The following CACNA1A variants were observed in gnomAD, a reference collection of about 807,000 sequenced individuals.
The protein encoded by CACNA1A is voltage-dependent P/Q-type calcium channel subunit alpha-1A.
In CACNA1A, 57 loss-of-function variants were observed where a neutral mutation model predicts 262.4. That is an observed-to-expected ratio of 0.22 (90% confidence interval 0.18 to 0.27). The LOEUF (loss-of-function observed/expected upper bound fraction) is 0.27, where lower values mean the gene tolerates loss of function less well. Among genes scored for constraint, CACNA1A ranks in the 10% least tolerant of loss-of-function variants. CACNA1A has a pLI of 1.00. For missense variants in CACNA1A, 2,526 were observed against 3,562.8 expected (o/e 0.71, Z 7.41); for synonymous variants, 1,431 against 1,419.3 (o/e 1.01, Z -0.18).
At chr19:13,437,922 A>G (rs12610465) in intron 3 of CACNA1A, among the ~76,000 whole-genome samples, 33,705 of 151,868 alleles carry the variant, frequency 0.22, 4,173 homozygotes, top group East Asian at 0.37. Context: ...GTGTCTGTGC[A>G]TGTCAGCATG....
At chr19:13,376,005 TCCACAGCAAGC>T (rs2059399607) in intron 3 of CACNA1A, among the ~76,000 whole-genome samples, 2 of 152,120 alleles carry the variant, frequency 1.3e-5, no homozygotes, top group Non-Finnish European at 2.9e-5. Context: ...CAAAGCCTAA[TCCACAGCAAGC>T]CCACAGCAAG....
At chr19:13,248,873 TTCAG>T (rs2056323670) in intron 30 of CACNA1A, among the ~76,000 whole-genome samples, 1 of 151,944 alleles carries the variant, frequency 6.6e-6, no homozygotes, top group Non-Finnish European at 1.5e-5. Flanking sequence ...AAATTACAGA[TTCAG>T]TGATTCCCTC....
chr19:13,356,048 G>A (rs1430932755), intron 6 of CACNA1A, among the ~76,000 whole-genome samples: 1 of 152,176 alleles, frequency 6.6e-6, no homozygotes, highest in Non-Finnish European at 1.5e-5. Flanking sequence ...ACGAGGGTGG[G>A]ATGTAAATGT....
chr19:13,271,868 ATTC>A (rs1243479454), intron 24 of CACNA1A: 4 of 151,654 alleles, frequency 2.6e-5, no homozygotes, highest in Non-Finnish European at 4.4e-5. Context: ...GGTTCAAGCA[ATTC>A]TTCTGCCTCA....
In CACNA1A at chr19:13,252,977, A is replaced by C. The variant is rs758243756; in HGVS notation, c.4866+14T>G. 41 of 1,543,736 alleles carry C rather than the reference A, an allele frequency of 2.7e-5. No homozygotes were observed. The highest frequency in any genetic ancestry group is 3.3e-5 in the Non-Finnish European group (37 of 1,116,278). ...CTCCCAAGCCCATAGCTGTAGCCCC[A>C]AGGTGGTACTTACCAGAATCCCAAA... On this transcript the variant is annotated intron_variant, in intron 30 of 46. Coordinates refer to ENST00000360228, the MANE Select transcript of CACNA1A (RefSeq NM_001127222.2).
In CACNA1A at chr19:13,298,727, G is replaced by C. The variant is rs1221270950; in HGVS notation, c.2906C>G (p.Pro969Arg). 6 of 1,498,514 alleles carry C rather than the reference G, an allele frequency of 4.0e-6. No homozygotes were observed. The highest frequency in any genetic ancestry group is 4.4e-6 in the Non-Finnish European group (5 of 1,128,776). The allele number at this position is 1,498,514 out of a possible 1,614,324, so 92.8% of individuals were successfully genotyped here. A position where few individuals can be genotyped will look rare whatever the true frequency, so the allele number is the denominator to read the frequency against. ...CGCCCTCCGCTCCGCCTTGTCCTCCGGACCCTCCTCCCCGGGCCTGCGGTG... is the reference window on the plus strand; with the variant it reads ...CGCCCTCCGCTCCGCCTTGTCCTCCCGACCCTCCTCCCCGGGCCTGCGGTG... ...RAHRRPGEEG[P>R]EDKAERRARH... is the part of the protein sequence containing the mutation. Residue 969 changes from proline (P) to arginine (R), a missense_variant, in exon 19 of 47, where the codon CCG becomes CGG. Pro to Arg is a moderately radical substitution (Grantham distance 103). Coordinates refer to ENST00000360228, the MANE Select transcript of CACNA1A (RefSeq NM_001127222.2).
rs559904441 is a variant in CACNA1A at position 13,432,205 on chromosome 19, A to G, written c.539+20671T>C. On this transcript the variant is annotated intron_variant, in intron 3 of 46. Transcript: ENST00000360228. ...CGAGGTGGGTGGATCACTGGAGGTC[A>G]GGAGTTCCAGACCAGCCTAGCCAAC... is the stretch of plus-strand genomic sequence containing the variant. Among the ~76,000 whole-genome samples, 47 of 151,570 alleles carry G rather than the reference A, an allele frequency of 3.1e-4. No homozygotes were observed. In the East Asian group the frequency reaches 5.8e-3, roughly 19 times the overall value.
intron 1 of CACNA1A, among the ~76,000 whole-genome samples, chr19:13,496,345 A>G (rs768229956): frequency 1.1e-4 from 17 of 152,226 alleles, no homozygotes; most frequent in Non-Finnish European, 1.8e-4. Flanking sequence ...GGTGCTCTGA[A>G]GTATTTGATG....
chr19:13,421,051 G>T (rs2060308579), intron 3 of CACNA1A, among the ~76,000 whole-genome samples: 1 of 152,094 alleles, frequency 6.6e-6, no homozygotes, highest in African/African-American at 2.4e-5. Context: ...GCCACTTTTG[G>T]GTCTGAGACT....
chr19:13,404,183 C>T (rs10404193), intron 3 of CACNA1A, among the ~76,000 whole-genome samples: 30,065 of 142,932 alleles, frequency 0.21, 4,353 homozygotes, highest in East Asian at 0.5. Context: ...TATATATATA[C>T]ACATATACAC....
intron 1 of CACNA1A, among the ~76,000 whole-genome samples, chr19:13,482,012 C>T (rs866119512): frequency 7.9e-5 from 12 of 152,072 alleles, no homozygotes; most frequent in Non-Finnish European, 1.3e-4. Context: ...ACCCCACACT[C>T]AAGCTTGGCA....
intron 11 of CACNA1A, among the ~76,000 whole-genome samples, chr19:13,314,518 T>TAAGG (rs1223051465): frequency 6.6e-6 from 1 of 152,144 alleles, no homozygotes; most frequent in African/African-American, 2.4e-5. Context: ...TTCTGCCATG[T>TAAGG]AAGGACCCAG....
rs766900021 is a variant in CACNA1A at position 13,321,392 on chromosome 19, G to C, written c.1346-4071C>G. Among the ~76,000 whole-genome samples the C allele has an allele frequency of 3.3e-5, 5 of 152,178 alleles. No individual in the cohort carries two copies. The Middle Eastern group carries it at 0.01, about 311-fold the overall frequency. On this transcript the variant is annotated intron_variant, in intron 10 of 46. Transcript: ENST00000360228. ...GTATGTCACCGCCAAGGATTCATCT[G>C]GTGATTTCTGGCAATTTATATACGC...
intron 19 of CACNA1A, among the ~76,000 whole-genome samples, chr19:13,294,812 T>C (rs1056218904): frequency 6.6e-6 from 1 of 152,170 alleles, no homozygotes; most frequent in Non-Finnish European, 1.5e-5. Flanking sequence ...CATTGGTCTT[T>C]ACTATACAGA....
intron 1 of CACNA1A, among the ~76,000 whole-genome samples, chr19:13,460,123 A>C (rs143136716): frequency 1.4e-3 from 211 of 152,060 alleles, no homozygotes; most frequent in African/African-American, 4.8e-3. Context: ...TGCAACAATG[A>C]CCTCAGACCC....
chr19:13,232,827 T>TCAC (rs2055719277), intron 34 of CACNA1A, among the ~76,000 whole-genome samples: 2 of 150,738 alleles, frequency 1.3e-5, no homozygotes, highest in South Asian at 4.2e-4. Flanking sequence ...GGCGGGTGGA[T>TCAC]CACCTGAGGT....
intron 6 of CACNA1A, among the ~76,000 whole-genome samples, chr19:13,338,796 G>C (rs1439698631): frequency 6.6e-6 from 1 of 152,142 alleles, no homozygotes; most frequent in Non-Finnish European, 1.5e-5. Flanking sequence ...TGTTTAGTTT[G>C]TGACAATTAA....
At chr19:13,291,948 G>A (rs1414651055) in intron 19 of CACNA1A, among the ~76,000 whole-genome samples, 1 of 152,156 alleles carries the variant, frequency 6.6e-6, no homozygotes. Flanking sequence ...TGGGGAGCAG[G>A]TTGTCATGGT....
At chr19:13,439,282 G>A (rs1311299493) in intron 3 of CACNA1A, among the ~76,000 whole-genome samples, 2 of 147,138 alleles carry the variant, frequency 1.4e-5, no homozygotes, top group Non-Finnish European at 3.0e-5. Flanking sequence ...CTAATTTGTT[G>A]TATTTTTAAT....
Sources: gnomAD v4.1 joint callset for allele counts (sites outside exome capture counted in the v4.1 genomes callset) on GRCh38, gnomAD v4.1.1 for gene constraint, MANE v1.5 for transcripts, NCBI Gene and HGNC (gene_info 2026-07-23, HGNC 2026-07-21) for gene names.